C8orf34: variants seen among roughly 807,000 people sequenced by gnomAD.
The protein encoded by C8orf34 is uncharacterized protein C8orf34.
C8orf34 carries 65 observed loss-of-function variants against 68.3 expected under a neutral mutation model. The observed-to-expected ratio is 0.95, with a 90% CI of 0.78 to 1.17. C8orf34 has a LOEUF of 1.17. Among genes scored for constraint, C8orf34 ranks in the 50% most tolerant of loss-of-function variants. The probability of loss-of-function intolerance (pLI) is 0.00; values close to 1 mark genes in which losing one functional copy is unlikely to be tolerated. For missense variants in C8orf34, 664 were observed against 655.4 expected, an observed-to-expected ratio of 1.01 and a Z score of -0.14; for synonymous variants, 244 against 241.2, an observed-to-expected ratio of 1.01 and a Z score of -0.11.
chr8:68,473,207 C>A (rs1224691861), intron 4 of C8orf34, among the ~76,000 whole-genome samples: 1 of 152,090 alleles, frequency 6.6e-6, no homozygotes, highest in Non-Finnish European at 1.5e-5. Context: ...ACAGTTCTCT[C>A]TCTTGTAAGA....
chr8:68,644,968 C>G (rs1819122190), intron 8 of C8orf34, among the ~76,000 whole-genome samples: 1 of 152,184 alleles, frequency 6.6e-6, no homozygotes, highest in Non-Finnish European at 1.5e-5. Context: ...GGATTTTAGC[C>G]TTGGAATCAG....
At chr8:68,685,438 A>G (rs1332273809) in intron 8 of C8orf34, among the ~76,000 whole-genome samples, 2 of 152,170 alleles carry the variant, frequency 1.3e-5, no homozygotes, top group African/African-American at 2.4e-5. Context: ...GCTAAAACAT[A>G]ATCAATTCAG....
At chr8:68,392,214 A>T (rs1372366636) in intron 1 of C8orf34, among the ~76,000 whole-genome samples, 1 of 151,556 alleles carries the variant, frequency 6.6e-6, no homozygotes, top group Non-Finnish European at 1.5e-5. Context: ...ATAAATCTGG[A>T]GTTTACTTTC....
intron 7 of C8orf34, among the ~76,000 whole-genome samples, chr8:68,541,151 T>A (rs1815685480): frequency 6.6e-6 from 1 of 152,154 alleles, no homozygotes; most frequent in African/African-American, 2.4e-5. Flanking sequence ...TGGAAGGTAC[T>A]CAGTATATCT....
chr8:68,368,236 C>T (rs1807400880), intron 1 of C8orf34, among the ~76,000 whole-genome samples: 1 of 152,052 alleles, frequency 6.6e-6, no homozygotes, highest in Non-Finnish European at 1.5e-5. Context: ...AAATGTGCAC[C>T]TAGAACCATG....
chr8:68,535,238 T>G lies in C8orf34; in HGVS notation c.1105+2089T>G, dbSNP rs551557820. ...TATGTGAAATCTAATTTTATAGAGT[T>G]TATATAGAATCATTGTAAGATGCAA... On this transcript the variant is annotated intron_variant, in intron 7 of 13. Coordinates refer to ENST00000518698, the MANE Select transcript of C8orf34 (RefSeq NM_052958.4). The G allele has an allele frequency of 9.7e-5, 95 of 978,268 alleles. 1 individual carries two copies. The African/African-American group carries it at 1.3e-3, about 13-fold the overall frequency. 60.6% of individuals were successfully genotyped at this position (978,268 alleles called of 1,614,324 possible). A position where few individuals can be genotyped will look rare whatever the true frequency, so the allele number is the denominator to read the frequency against.
intron 7 of C8orf34, among the ~76,000 whole-genome samples, chr8:68,577,974 A>C (rs1816955590): frequency 1.3e-5 from 2 of 151,850 alleles, no homozygotes; most frequent in African/African-American, 4.8e-5. Flanking sequence ...TCTTCTGTGT[A>C]CTTATGTGTA....
intron 1 of C8orf34, among the ~76,000 whole-genome samples, chr8:68,358,232 A>C (rs575615531): frequency 6.6e-6 from 1 of 152,204 alleles, no homozygotes; most frequent in South Asian, 2.1e-4. Context: ...TGTTTGGCTC[A>C]TTCTGGATTG....
intron 7 of C8orf34, among the ~76,000 whole-genome samples, chr8:68,550,322 G>A (rs762530034): frequency 1.3e-5 from 2 of 151,616 alleles, no homozygotes; most frequent in Non-Finnish European, 3.0e-5. Context: ...CCAAGTCCAT[G>A]TTTAAATTAT....
chr8:68,548,605 T>G (rs1815964225), intron 7 of C8orf34, among the ~76,000 whole-genome samples: 1 of 151,842 alleles, frequency 6.6e-6, no homozygotes, highest in South Asian at 2.1e-4. Context: ...TACAATCACT[T>G]TGTATGATGT....
chr8:68,612,793 C>A (rs1330428431), intron 7 of C8orf34, among the ~76,000 whole-genome samples: 1 of 151,968 alleles, frequency 6.6e-6, no homozygotes, highest in African/African-American at 2.4e-5. Context: ...TGTATTTTTT[C>A]TCTATGTGTG....
chr8:68,622,631 T>A (rs1818420926), intron 7 of C8orf34, among the ~76,000 whole-genome samples: 1 of 152,218 alleles, frequency 6.6e-6, no homozygotes, highest in East Asian at 1.9e-4. Context: ...AAGATAAATA[T>A]CAAGATAGCA....
intron 6 of C8orf34, among the ~76,000 whole-genome samples, chr8:68,527,567 G>T (rs373367064): frequency 2.0e-5 from 3 of 152,124 alleles, no homozygotes; most frequent in East Asian, 3.9e-4. Flanking sequence ...GCAAGACTCC[G>T]TCTCAAAAAA....
At chr8:68,816,949 C>G (rs1048422293) in intron 13 of C8orf34, among the ~76,000 whole-genome samples, 4 of 152,162 alleles carry the variant, frequency 2.6e-5, no homozygotes, top group Admixed American at 6.5e-5. Flanking sequence ...GATATAGGTA[C>G]ACAACTATCA....
chr8:68,669,460 A>T (rs750572002), intron 8 of C8orf34, among the ~76,000 whole-genome samples: 1 of 152,208 alleles, frequency 6.6e-6, no homozygotes, highest in Non-Finnish European at 1.5e-5. Context: ...GTACCCATTT[A>T]CTTATTCGTA....
chr8:68,797,488 G>A (rs890404986), intron 12 of C8orf34, among the ~76,000 whole-genome samples: 1 of 151,950 alleles, frequency 6.6e-6, no homozygotes, highest in African/African-American at 2.4e-5. Context: ...AGTACAATAA[G>A]TGGAGCTACC....
chr8:68,747,489 T>C (rs1822541423), intron 10 of C8orf34, among the ~76,000 whole-genome samples: 1 of 147,456 alleles, frequency 6.8e-6, no homozygotes, highest in African/African-American at 2.5e-5. Context: ...GAAAACCCCA[T>C]TGTCTCAGCC....
At chr8:68,387,122 T>C (rs1020428363) in intron 1 of C8orf34, among the ~76,000 whole-genome samples, 18 of 151,864 alleles carry the variant, frequency 1.2e-4, no homozygotes, top group Admixed American at 5.2e-4. Flanking sequence ...TCATGGTGCA[T>C]GTGTGGGAGG....
At chr8:68,463,382 T>A (rs1374125672) in intron 3 of C8orf34, among the ~76,000 whole-genome samples, 4 of 152,260 alleles carry the variant, frequency 2.6e-5, no homozygotes, top group Admixed American at 2.6e-4. Context: ...ACTGGTACCA[T>A]TCCTTCTGAA....
Sources: gnomAD v4.1 joint callset for allele counts (sites outside exome capture counted in the v4.1 genomes callset) on GRCh38, gnomAD v4.1.1 for gene constraint, MANE v1.5 for transcripts, NCBI Gene and HGNC (gene_info 2026-07-23, HGNC 2026-07-21) for gene names.